The following OSBP variants were observed in gnomAD, a reference collection of about 807,000 sequenced individuals.
The protein encoded by OSBP is oxysterol-binding protein 1.
OSBP carries 32 observed loss-of-function variants against 96.6 expected under a neutral mutation model. That is an observed-to-expected ratio of 0.33 (90% confidence interval 0.25 to 0.45). OSBP has a LOEUF of 0.45. Among genes scored for constraint, OSBP ranks in the 20% least tolerant of loss-of-function variants. OSBP has a pLI of 1.00. For synonymous variants in OSBP, 369 were observed against 389.6 expected (o/e 0.95, Z 0.62); for missense variants, 653 against 1,029.7 (o/e 0.63, Z 5.01).
Position 59,575,029 on chromosome 11 carries a change from A to T in OSBP, c.*1548T>A, listed in dbSNP as rs1267664524. ...GATATTTCTCAACAAGACAACAAAAACAAATACTGCACAAACAGAGAAGGA... is the reference window on the plus strand; with the variant it reads ...GATATTTCTCAACAAGACAACAAAATCAAATACTGCACAAACAGAGAAGGA... On this transcript the variant is annotated 3_prime_UTR_variant, in exon 14 of 14. Coordinates refer to ENST00000263847, the MANE Select transcript of OSBP (RefSeq NM_002556.3). The T allele has an allele frequency of 1.3e-5, 2 of 152,230 alleles. No individual in the cohort carries two copies. The highest frequency in any genetic ancestry group is 3.8e-4 in the East Asian group (2 of 5,198). 9.4% of individuals were successfully genotyped at this position (152,230 alleles called of 1,614,324 possible).
In OSBP at chr11:59,615,606, A is replaced by G; in HGVS notation, c.59T>C (p.Leu20Pro). ...TGGGGGACCGGCGCCGCCGCCGCCAAGTGCTGCAATGGCTGCCGGGCCTGG... is the reference window on the plus strand; with the variant it reads ...TGGGGGACCGGCGCCGCCGCCGCCAGGTGCTGCAATGGCTGCCGGGCCTGG... ...VGPGPAAIAA[L>P]GGGGAGPPVV... The change falls in exon 1 of 14, where the codon CTT (leucine) becomes CCT (proline). Residue 20 changes from leucine to proline, a missense_variant. Physicochemically the swap from Leu to Pro is moderately conservative, Grantham distance 98 (BLOSUM62 -3). This residue lies in a region of OSBP where 151 missense variants were observed against 146.1 expected (regional missense o/e 1.03). Transcript: ENST00000263847. The G allele has an allele frequency of 1.5e-6, 2 of 1,372,498 alleles. No individual in the cohort carries two copies. The highest frequency in any genetic ancestry group is 1.9e-6 in the Non-Finnish European group (2 of 1,060,780). 85.0% of individuals were successfully genotyped at this position (1,372,498 alleles called of 1,614,324 possible).
At chr11:59,586,981 T>A (rs534983608) in intron 9 of OSBP, among the ~76,000 whole-genome samples, 1 of 152,124 alleles carries the variant, frequency 6.6e-6, no homozygotes, top group Non-Finnish European at 1.5e-5. Flanking sequence ...TTCTTGGCTA[T>A]GACACCAAAA....
In OSBP at chr11:59,576,376, G is replaced by A. The variant is rs781751975; in HGVS notation, c.*201C>T. ...TTACAGACATAGTATCTCCTATGTC[G>A]ATTTCAGTTTCAATCAGCTAAGGCA... is the stretch of plus-strand genomic sequence containing the variant. On this transcript the variant is annotated 3_prime_UTR_variant, in exon 14 of 14. Coordinates refer to ENST00000263847, the MANE Select transcript of OSBP (RefSeq NM_002556.3). 4 of 592,926 alleles carry A rather than the reference G, an allele frequency of 6.7e-6. No homozygotes were observed. The highest frequency in any genetic ancestry group is 8.9e-6 in the Non-Finnish European group (3 of 338,056). The allele number at this position is 592,926 out of a possible 1,614,324, so 36.7% of individuals were successfully genotyped here. A position where few individuals can be genotyped will look rare whatever the true frequency, so the allele number is the denominator to read the frequency against.
In OSBP at chr11:59,610,446, C is replaced by T; in HGVS notation, c.506G>A (p.Arg169Gln). 1 of 1,614,100 alleles carries T rather than the reference C, an allele frequency of 6.2e-7. No homozygotes were observed. Among genetic ancestry groups the T allele is most frequent in the Non-Finnish European group, 8.5e-7 (1 of 1,180,032 alleles). Residue 169 changes from arginine (R) to glutamine (Q), a missense_variant, in exon 2 of 14, where the codon CGG becomes CAG. By Grantham distance (43) the Arg-to-Gln change is conservative. Around this residue, in one of 6 missense-constraint regions of OSBP, gnomAD observed 308 missense variants for 573.1 expected, o/e 0.54. Transcript: ENST00000263847. ...TTCCAGGGCCGTCACCCAGCGCTGC[C>T]GCTCAACTTCTGAACTAGCTTTCAG... Reference protein sequence around the residue: ...YHLKASSEVERQRWVTALELA... With the variant: ...YHLKASSEVEQQRWVTALELA...
intron 10 of OSBP, among the ~76,000 whole-genome samples, chr11:59,581,158 G>A (rs193248440): frequency 3.2e-4 from 49 of 152,280 alleles, no homozygotes; most frequent in Non-Finnish European, 2.9e-5. Context: ...ATAATGAAAG[G>A]ATTAAGAGTT....
At chr11:59,590,138 C>T (rs1375658651) in intron 9 of OSBP, among the ~76,000 whole-genome samples, 1 of 152,176 alleles carries the variant, frequency 6.6e-6, no homozygotes, top group Non-Finnish European at 1.5e-5. Context: ...GTCACTGCCT[C>T]CAAATATCTT....
At chr11:59,603,193 A>G (rs929887267) in intron 3 of OSBP, among the ~76,000 whole-genome samples, 27 of 152,208 alleles carry the variant, frequency 1.8e-4, no homozygotes, top group African/African-American at 6.0e-4. Flanking sequence ...TGCAATTTAA[A>G]AACACATTTT....
At chr11:59,577,463 C>G (rs991882540) in intron 12 of OSBP, among the ~76,000 whole-genome samples, 11 of 152,068 alleles carry the variant, frequency 7.2e-5, no homozygotes, top group African/African-American at 1.4e-4. Context: ...TCTCAGGGAT[C>G]TTTCTTTTCT....
rs1472268464 is a variant in OSBP at position 59,580,163 on chromosome 11, A to G, written c.1878+11T>C. The G allele has an allele frequency of 1.3e-6, 2 of 1,562,678 alleles. No homozygotes were observed. The highest frequency in any genetic ancestry group is 1.8e-6 in the Non-Finnish European group (2 of 1,133,402). On this transcript the variant is annotated intron_variant, in intron 11 of 13. Coordinates refer to ENST00000263847, the MANE Select transcript of OSBP (RefSeq NM_002556.3). ...GCTACGTGAAACAATTTAAATTTCA[A>G]CTTCCCTTACCTTTCTTGCTACATC...
intron 9 of OSBP, among the ~76,000 whole-genome samples, chr11:59,585,407 C>T (rs1421744758): frequency 1.1e-4 from 16 of 150,626 alleles, no homozygotes; most frequent in African/African-American, 3.7e-4. Flanking sequence ...GCAACCACCC[C>T]GTCTGAGAAG....
At chr11:59,610,801 T>G (rs1377184563) in intron 1 of OSBP, among the ~76,000 whole-genome samples, 1 of 149,692 alleles carries the variant, frequency 6.7e-6, no homozygotes, top group Non-Finnish European at 1.5e-5. Context: ...GAGTCAGATT[T>G]TTTTTTTTTT....
intron 9 of OSBP, among the ~76,000 whole-genome samples, chr11:59,590,605 C>T (rs1196942437): frequency 6.6e-6 from 1 of 152,194 alleles, no homozygotes; most frequent in Non-Finnish European, 1.5e-5. Flanking sequence ...AATGCTACTT[C>T]AATTATCAAC....
chr11:59,600,610 C>T lies in OSBP; in HGVS notation c.1197G>A (p.Glu399=), dbSNP rs1590675222. Residue 399 remains glutamate, a synonymous_variant, in exon 7 of 14, where the codon GAG becomes GAA. Transcript: ENST00000263847. The part of the protein sequence containing the change: ...SLDEQYKHQL[E]ETKKEKRTRI... ...TGGTTCTCTTTTCCTTTTTGGTCTC[C>T]TCCAGCTGATGCTTGTACTGAGAGC... is the stretch of plus-strand genomic sequence containing the variant. 1.2e-6 allele frequency: 2 copies of T among 1,613,912 alleles called. No individual in the cohort carries two copies. Among genetic ancestry groups the T allele is most frequent in the Non-Finnish European group, 1.7e-6 (2 of 1,179,966 alleles).
Position 59,608,487 on chromosome 11 carries a change from G to T in OSBP, c.819C>A (p.Ile273=), listed in dbSNP as rs369112522. ...CACAGACACCATCTGCACTCACGTT[G>T]ATCATGGCATTGGATGTTATCCTAA... ...TLFRITSNAM[I]NACRDFLMLA... The change falls in exon 3 of 14, where the codon ATC becomes ATA. Residue 273 remains isoleucine (I), a synonymous_variant. Coordinates refer to ENST00000263847, the MANE Select transcript of OSBP (RefSeq NM_002556.3). 4 of 1,614,022 alleles carry T rather than the reference G, an allele frequency of 2.5e-6. No individual in the cohort carries two copies. The African/African-American group carries it at 5.3e-5, about 22-fold the overall frequency.
Position 59,594,261 on chromosome 11 carries a change from A to G in OSBP, c.1312-6T>C. On this transcript the variant is annotated splice_polypyrimidine_tract_variant and splice_region_variant and intron_variant, in intron 7 of 13. Transcript: ENST00000263847. ...AAGGGCTCATTAAAGTTTACCTGTA[A>G]GGAGAAGAACAGATATAAAAACTAT... is the stretch of plus-strand genomic sequence containing the variant. 2 of 1,613,918 alleles carry G rather than the reference A, an allele frequency of 1.2e-6. No individual in the cohort carries two copies. The highest frequency in any genetic ancestry group is 3.3e-5 in the Admixed American group (2 of 60,010).
chr11:59,607,530 G>C (rs1465067604), intron 3 of OSBP, among the ~76,000 whole-genome samples: 1 of 151,940 alleles, frequency 6.6e-6, no homozygotes, highest in East Asian at 1.9e-4. Context: ...CATGGTCATG[G>C]GAAAGTCTGG....
intron 7 of OSBP, among the ~76,000 whole-genome samples, chr11:59,599,492 AC>A (rs148032437): frequency 0.02 from 2,968 of 152,104 alleles, 73 homozygotes; most frequent in African/African-American, 0.056. Context: ...TATCTTCTAT[AC>A]CTAACTGAAA....
rs574358216 is a variant in OSBP, at chr11:59,574,405, T to C, written c.*2172A>G. 6.6e-6 allele frequency: 1 copy of C among 151,770 alleles called. No homozygotes were observed. Among genetic ancestry groups the C allele is most frequent in the African/African-American group, 2.4e-5 (1 of 41,130 alleles). The allele number at this position is 151,770 out of a possible 1,614,324, so 9.4% of individuals were successfully genotyped here. A position where few individuals can be genotyped will look rare whatever the true frequency, so the allele number is the denominator to read the frequency against. ...TGAATCAGACAAACAATATGACTTT[T>C]AAAAAATTATTTAATTTAGTAGTTT... On this transcript the variant is annotated 3_prime_UTR_variant, in exon 14 of 14. Coordinates refer to ENST00000263847, the MANE Select transcript of OSBP (RefSeq NM_002556.3).
chr11:59,580,329 C>A, intron 10 of OSBP, 60 bp from the exon 11 acceptor site: 1 of 1,035,310 alleles, frequency 9.7e-7, no homozygotes, highest in South Asian at 1.3e-5. Context: ...CTGCCAAACC[C>A]ATGGTTCATA....
Sources: allele counts gnomAD v4.1 joint callset (sites outside exome capture counted in the v4.1 genomes callset), GRCh38; gene constraint gnomAD v4.1.1; regional missense constraint gnomAD v4.1.1; transcripts MANE v1.5; gene names NCBI Gene and HGNC (gene_info 2026-07-23, HGNC 2026-07-21).